The following SDK1 variants were observed in gnomAD, a reference collection of about 807,000 sequenced individuals.
SDK1 encodes sidekick cell adhesion molecule 1.
SDK1 carries 157 observed loss-of-function variants against 245.5 expected under a neutral mutation model. That is an observed-to-expected ratio of 0.64 (90% CI 0.56 to 0.73). The LOEUF is 0.73. SDK1 is among the 30% of genes least tolerant of loss of function. The probability of loss-of-function intolerance (pLI) is 0.00; values close to 1 mark genes in which losing one functional copy is unlikely to be tolerated. For synonymous variants in SDK1, 1,647 were observed against 1,278.5 expected, an observed-to-expected ratio of 1.29 and a Z score of -6.15; for missense variants, 3,583 against 3,002.3, an observed-to-expected ratio of 1.19 and a Z score of -4.52.
At chr7:3,641,101 C>T (rs1377975403) in intron 3 of SDK1, among the ~76,000 whole-genome samples, 1 of 151,822 alleles carries the variant, frequency 6.6e-6, no homozygotes, top group Non-Finnish European at 1.5e-5. Flanking sequence ...TCATCTTTTC[C>T]CTCAAGTATT....
At chr7:3,742,222 A>G (rs1431508919) in intron 4 of SDK1, among the ~76,000 whole-genome samples, 2 of 151,394 alleles carry the variant, frequency 1.3e-5, no homozygotes, top group African/African-American at 4.9e-5. Flanking sequence ...AGTTCATGAC[A>G]TAAAGGGCTG....
intron 17 of SDK1, among the ~76,000 whole-genome samples, chr7:4,021,848 C>G (rs58587403): frequency 6.6e-6 from 1 of 152,234 alleles, no homozygotes; most frequent in African/African-American, 2.4e-5. Flanking sequence ...GCTTCTGCCT[C>G]ACTTTCTAAG....
rs545893407 is a variant in SDK1, at chr7:3,928,126, G to T, written c.848-22797G>T. 2.0e-5 allele frequency among the ~76,000 whole-genome samples: 3 copies of T among 152,186 alleles called. No individual in the cohort carries two copies. The South Asian group carries it at 6.2e-4, about 32-fold the overall frequency. ...TTAGGAAGCATTAATAGCAATTAAT[G>T]ATATAACTTCAAAAAAGGTATAGGA... On this transcript the variant is annotated intron_variant, in intron 5 of 44. Coordinates refer to ENST00000404826, the MANE Select transcript of SDK1 (RefSeq NM_152744.4).
At chr7:3,458,818 A>G (rs1780749081) in intron 1 of SDK1, among the ~76,000 whole-genome samples, 1 of 152,144 alleles carries the variant, frequency 6.6e-6, no homozygotes, top group Non-Finnish European at 1.5e-5. Context: ...ATTACGTTTC[A>G]TTGGTCTGTT....
At chr7:3,887,475 C>A (rs1166180157) in intron 5 of SDK1, among the ~76,000 whole-genome samples, 1 of 152,034 alleles carries the variant, frequency 6.6e-6, no homozygotes, top group Non-Finnish European at 1.5e-5. Context: ...ATGATCAAGG[C>A]CCGCCTAGGG....
rs565874560 is a variant in SDK1, at chr7:4,258,701, G to A, written c.6382-6423G>A. Reference sequence around the variant, plus strand: ...ACCCAAGACGAGGAAATTGAATCCAGTCACCACTTCTCTCGTTTTTCCCCA... The same window carrying A: ...ACCCAAGACGAGGAAATTGAATCCAATCACCACTTCTCTCGTTTTTCCCCA... On this transcript the variant is annotated intron_variant, in intron 44 of 44. Coordinates refer to ENST00000404826, the MANE Select transcript of SDK1 (RefSeq NM_152744.4). Among the ~76,000 whole-genome samples the A allele has an allele frequency of 3.9e-5, 6 of 152,280 alleles. No individual in the cohort carries two copies. In the South Asian group the frequency reaches 1.2e-3, roughly 32 times the overall value.
intron 1 of SDK1, among the ~76,000 whole-genome samples, chr7:3,328,257 G>A (rs1337776022): frequency 1.3e-5 from 2 of 152,054 alleles, no homozygotes; most frequent in Non-Finnish European, 2.9e-5. Flanking sequence ...TTAGTATATT[G>A]TGGTGTTATT....
rs28625607 is a variant in SDK1 at position 4,026,819 on chromosome 7, G to A, written c.2602+9467G>A. On this transcript the variant is annotated intron_variant, in intron 17 of 44. Coordinates refer to ENST00000404826, the MANE Select transcript of SDK1 (RefSeq NM_152744.4). The surrounding 1 kb of genome is among the most constrained non-coding windows in gnomAD (Gnocchi z 4.1). ...AATCTGGAATTAACGATAACACCCGGCACACAAACGGCAATATGTACACCC... is the reference window on the plus strand; with the variant it reads ...AATCTGGAATTAACGATAACACCCGACACACAAACGGCAATATGTACACCC... Among the ~76,000 whole-genome samples the A allele has an allele frequency of 3.6e-3, 554 of 152,310 alleles. 8 individuals carry two copies. Among genetic ancestry groups the A allele is most frequent in the African/African-American group, 0.013 (533 of 41,572 alleles).
intron 14 of SDK1, among the ~76,000 whole-genome samples, chr7:3,997,267 G>A (rs944877352): frequency 6.6e-6 from 1 of 152,212 alleles, no homozygotes; most frequent in African/African-American, 2.4e-5. Context: ...ACAGACAAAT[G>A]GAGGGTGAGG....
chr7:3,994,017 C>T (rs996757910), intron 14 of SDK1, among the ~76,000 whole-genome samples: 3 of 152,080 alleles, frequency 2.0e-5, no homozygotes, highest in African/African-American at 4.8e-5. Context: ...TTATTTTCTC[C>T]TCTCTATCCA....
chr7:4,175,561 C>T (rs1300493140), intron 33 of SDK1, among the ~76,000 whole-genome samples: 1 of 152,194 alleles, frequency 6.6e-6, no homozygotes, highest in Non-Finnish European at 1.5e-5. Flanking sequence ...GACTGGGGTG[C>T]CTTGTTGTTT....
rs111457577 is a variant in SDK1 at position 4,239,725 on chromosome 7, G to C, written c.6130+1941G>C. ...CAGAGCTGTAGCTGAGCCCAGGAATGTGGTCACTTCTGTGATATCACCACA... is the reference window on the plus strand; with the variant it reads ...CAGAGCTGTAGCTGAGCCCAGGAATCTGGTCACTTCTGTGATATCACCACA... On this transcript the variant is annotated intron_variant, in intron 42 of 44. Coordinates refer to ENST00000404826, the MANE Select transcript of SDK1 (RefSeq NM_152744.4). Among the ~76,000 whole-genome samples the C allele has an allele frequency of 3.0e-4, 46 of 152,314 alleles. 1 individual carries two copies. Among genetic ancestry groups the C allele is most frequent in the African/African-American group, 1.1e-3 (44 of 41,560 alleles).
chr7:4,080,720 G>T (rs1781002187), intron 22 of SDK1, among the ~76,000 whole-genome samples: 1 of 152,110 alleles, frequency 6.6e-6, no homozygotes. Context: ...CGTTGAGGGG[G>T]TGGGGAGGGA....
intron 1 of SDK1, among the ~76,000 whole-genome samples, chr7:3,368,374 C>T (rs1781142852): frequency 1.3e-5 from 2 of 152,190 alleles, no homozygotes; most frequent in African/African-American, 4.8e-5. Flanking sequence ...TATCTTTTGT[C>T]CATCATACTT....
At chr7:3,708,242 G>A (rs1442611232) in intron 4 of SDK1, among the ~76,000 whole-genome samples, 1 of 152,136 alleles carries the variant, frequency 6.6e-6, no homozygotes, top group Non-Finnish European at 1.5e-5. Context: ...ACCAGGAGGG[G>A]TGGCACTAAA....
chr7:3,746,424 C>T (rs903502403), intron 4 of SDK1, among the ~76,000 whole-genome samples: 2 of 152,164 alleles, frequency 1.3e-5, no homozygotes, highest in Admixed American at 1.3e-4. Context: ...TTTGCCCCAT[C>T]AATTGATGTC....
At chr7:3,812,237 A>G (rs183303589) in intron 4 of SDK1, among the ~76,000 whole-genome samples, 97 of 152,354 alleles carry the variant, frequency 6.4e-4, no homozygotes, top group Middle Eastern at 6.8e-3. Context: ...TAGTCAGAGT[A>G]AAAATGCAAA....
chr7:4,190,352 G>A (rs1411828187), intron 35 of SDK1, among the ~76,000 whole-genome samples: 1 of 152,138 alleles, frequency 6.6e-6, no homozygotes, highest in African/African-American at 2.4e-5. Flanking sequence ...CTGGATGATG[G>A]ATAAACATCT....
chr7:3,755,751 A>G (rs1350359110), intron 4 of SDK1, among the ~76,000 whole-genome samples: 1 of 152,182 alleles, frequency 6.6e-6, no homozygotes, highest in Non-Finnish European at 1.5e-5. Context: ...TATCACATAA[A>G]TGGCTACATG....
Sources: allele counts gnomAD v4.1 joint callset (sites outside exome capture counted in the v4.1 genomes callset), GRCh38; gene constraint gnomAD v4.1.1; non-coding constraint Gnocchi (gnomAD v3.1); transcripts MANE v1.5; gene names NCBI Gene and HGNC (gene_info 2026-07-23, HGNC 2026-07-21).